Variants in ZNF407 observed in about 807,000 individuals in gnomAD.
ZNF407 encodes zinc finger protein 407.
Under a neutral mutation model 131.2 loss-of-function variants are expected in ZNF407, and 17 were observed. That is an observed-to-expected ratio of 0.13 (90% CI 0.09 to 0.19). The LOEUF is 0.19. Ranked by LOEUF, ZNF407 falls within the 10% of genes least tolerant of loss-of-function variation. The pLI, the probability that ZNF407 is intolerant of heterozygous loss-of-function variation, is 1.00. For synonymous variants in ZNF407, 1,156 were observed against 1,062.0 expected (o/e 1.09, Z -1.72); for missense variants, 2,681 against 2,830.6 (o/e 0.95, Z 1.20).
At chr18:74,641,208 G>A (rs538239013) in intron 3 of ZNF407, 86 bp downstream of exon 3, 2 of 1,042,118 alleles carry the variant, frequency 1.9e-6, no homozygotes, top group Admixed American at 1.9e-5. Flanking sequence ...ACCGATAGGA[G>A]TAAGAGTGGC....
At chr18:74,774,552 G>A (rs944777960) in intron 3 of ZNF407, among the ~76,000 whole-genome samples, 1 of 152,180 alleles carries the variant, frequency 6.6e-6, no homozygotes, top group Non-Finnish European at 1.5e-5. Context: ...CCCAACATTC[G>A]TAGGTGATGT....
At chr18:75,044,487 G>A (rs1038951973) in intron 8 of ZNF407, among the ~76,000 whole-genome samples, 3 of 152,178 alleles carry the variant, frequency 2.0e-5, no homozygotes, top group East Asian at 1.9e-4. Context: ...CTTGGGCACC[G>A]TTCGTACTGA....
At chr18:75,052,550 C>G (rs1312050777) in intron 8 of ZNF407, among the ~76,000 whole-genome samples, 1 of 152,142 alleles carries the variant, frequency 6.6e-6, no homozygotes, top group African/African-American at 2.4e-5. Flanking sequence ...GAAGAAGTGG[C>G]CCTTAGACAT....
chr18:75,009,933 T>C (rs1430730582), intron 8 of ZNF407, among the ~76,000 whole-genome samples: 1 of 152,202 alleles, frequency 6.6e-6, no homozygotes, highest in Admixed American at 6.5e-5. Flanking sequence ...TGTTTTAACA[T>C]AGAATTGCAT....
chr18:74,903,906 A>G (rs1320496366), intron 7 of ZNF407, among the ~76,000 whole-genome samples: 2 of 152,220 alleles, frequency 1.3e-5, no homozygotes, highest in Admixed American at 1.3e-4. Flanking sequence ...GTAGTCACAT[A>G]TGTTTGGGAG....
chr18:74,619,670 G>T (rs1983439390), intron 1 of ZNF407, among the ~76,000 whole-genome samples: 1 of 152,062 alleles, frequency 6.6e-6, no homozygotes, highest in East Asian at 1.9e-4. Flanking sequence ...ACTAAATTAA[G>T]TAAAGGATAT....
At chr18:74,767,324 A>G (rs958380302) in intron 3 of ZNF407, among the ~76,000 whole-genome samples, 1 of 152,170 alleles carries the variant, frequency 6.6e-6, no homozygotes, top group East Asian at 1.9e-4. Flanking sequence ...TTCTTAATTG[A>G]TAACTTCTGC....
intron 3 of ZNF407, among the ~76,000 whole-genome samples, chr18:74,707,773 CT>C (rs1325165358): frequency 6.6e-6 from 1 of 152,166 alleles, no homozygotes; most frequent in South Asian, 2.1e-4. Flanking sequence ...TCTTTGTCTA[CT>C]TTTTTGAGAC....
At chr18:74,655,450 A>G (rs1289690441) in intron 3 of ZNF407, among the ~76,000 whole-genome samples, 1 of 152,122 alleles carries the variant, frequency 6.6e-6, no homozygotes, top group Non-Finnish European at 1.5e-5. Context: ...CTGCCTTGCA[A>G]CTGGACTGGT....
intron 3 of ZNF407, among the ~76,000 whole-genome samples, chr18:74,726,350 A>G (rs976731523): frequency 2.0e-5 from 3 of 152,208 alleles, no homozygotes; most frequent in Non-Finnish European, 2.9e-5. Flanking sequence ...TACTATGTAG[A>G]GAACTGTATA....
intron 3 of ZNF407, among the ~76,000 whole-genome samples, chr18:74,727,762 G>C (rs1364141400): frequency 6.6e-6 from 1 of 152,238 alleles, no homozygotes; most frequent in Non-Finnish European, 1.5e-5. Flanking sequence ...TCATCCTGCA[G>C]GTGATGGGGT....
At chr18:74,727,355 C>G (rs1381064617) in intron 3 of ZNF407, among the ~76,000 whole-genome samples, 2 of 152,024 alleles carry the variant, frequency 1.3e-5, no homozygotes, top group African/African-American at 4.8e-5. Context: ...AGAGTTGAGC[C>G]CTCTTCCACC....
chr18:74,983,619 C>A (rs985435969), intron 8 of ZNF407, among the ~76,000 whole-genome samples: 2 of 152,184 alleles, frequency 1.3e-5, no homozygotes, highest in East Asian at 3.9e-4. Flanking sequence ...ATTTGCCAGG[C>A]CCAAAGCTAA....
chr18:74,713,460 T>C (rs1046105647), intron 3 of ZNF407, among the ~76,000 whole-genome samples: 1 of 150,820 alleles, frequency 6.6e-6, no homozygotes, highest in African/African-American at 2.4e-5. Flanking sequence ...TTTAAATCAT[T>C]AAATAACAGA....
At chr18:74,622,558 G>A (rs780318230) in intron 1 of ZNF407, among the ~76,000 whole-genome samples, 3 of 152,150 alleles carry the variant, frequency 2.0e-5, no homozygotes, top group African/African-American at 4.8e-5. Context: ...TTTCATACAC[G>A]CGTGTGTATG....
chr18:74,987,694 A>G (rs1284578187), intron 8 of ZNF407, among the ~76,000 whole-genome samples: 4 of 152,164 alleles, frequency 2.6e-5, no homozygotes, highest in African/African-American at 7.2e-5. Context: ...AAGCAAAACT[A>G]GAAAAAAAAA....
At chr18:74,667,194 T>C (rs996163762) in intron 3 of ZNF407, among the ~76,000 whole-genome samples, 1 of 152,208 alleles carries the variant, frequency 6.6e-6, no homozygotes, top group African/African-American at 2.4e-5. Context: ...GGCTGCTGCC[T>C]CTGCTCCTCG....
At chr18:75,055,017 G>C (rs1973546070) in intron 8 of ZNF407, among the ~76,000 whole-genome samples, 1 of 152,198 alleles carries the variant, frequency 6.6e-6, no homozygotes, top group African/African-American at 2.4e-5. Context: ...GTCTCCAAGA[G>C]GGACACCCCC....
chr18:74,875,561 A>T (rs546910330), intron 4 of ZNF407, among the ~76,000 whole-genome samples: 2 of 152,208 alleles, frequency 1.3e-5, no homozygotes, highest in Non-Finnish European at 2.9e-5. Context: ...ATGAGGAAAT[A>T]AGTAGATAGG....
Sources: allele counts gnomAD v4.1 joint callset (sites outside exome capture counted in the v4.1 genomes callset), GRCh38; gene constraint gnomAD v4.1.1; transcripts MANE v1.5; gene names NCBI Gene and HGNC (gene_info 2026-07-23, HGNC 2026-07-21).